The following ITGB3BP variants were observed in gnomAD, a reference collection of about 807,000 sequenced individuals.
ITGB3BP encodes the protein centromere protein R.
In ITGB3BP, 27 loss-of-function variants were observed where a neutral mutation model predicts 29.1. The ratio of observed to expected loss-of-function variants is 0.93; its 90% CI spans 0.68 to 1.28. The LOEUF (loss-of-function observed/expected upper bound fraction) is 1.28, where lower values mean the gene tolerates loss of function less well. ITGB3BP is among the 50% of genes most tolerant of loss of function. The pLI, the probability that ITGB3BP is intolerant of heterozygous loss-of-function variation, is 0.00. For synonymous variants in ITGB3BP, 61 were observed against 61.4 expected (o/e 0.99, Z 0.03); for missense variants, 192 against 200.2 (o/e 0.96, Z 0.25).
chr1:63,519,659 ATGTT>A, intron 1 of ITGB3BP, among the ~76,000 whole-genome samples: 2 of 152,256 alleles, frequency 1.3e-5, no homozygotes, highest in East Asian at 3.9e-4. Flanking sequence ...AATTCAAAGG[ATGTT>A]TATTTAATGG....
intron 2 of ITGB3BP, among the ~76,000 whole-genome samples, chr1:63,500,854 T>C (rs190854532): frequency 1.3e-5 from 2 of 152,318 alleles, no homozygotes; most frequent in African/African-American, 4.8e-5. Flanking sequence ...ACAACAAAGT[T>C]GAAGGACTCA....
rs1017081292 is a variant in ITGB3BP at position 63,456,283 on chromosome 1, A to G, written c.255-1315T>C. 5.3e-5 allele frequency among the ~76,000 whole-genome samples: 8 copies of G among 152,342 alleles called. No homozygotes were observed. In the South Asian group the frequency reaches 1.0e-3, roughly 20 times the overall value. Reference sequence around the variant, plus strand: ...GCGAACAAGAAACAAGAGACTTTTGATAGCATTATGAAAAAGCTAAAAATT... The same window carrying G: ...GCGAACAAGAAACAAGAGACTTTTGGTAGCATTATGAAAAAGCTAAAAATT... On this transcript the variant is annotated intron_variant, in intron 4 of 8. Transcript: ENST00000271002.
chr1:63,445,342 T>C (rs1570110337), intron 8 of ITGB3BP, among the ~76,000 whole-genome samples: 1 of 151,822 alleles, frequency 6.6e-6, no homozygotes, highest in East Asian at 1.9e-4. Context: ...TATTATAAGC[T>C]ATTACTCACT....
At chr1:63,455,549 A>T (rs1321356432) in intron 4 of ITGB3BP, among the ~76,000 whole-genome samples, 2 of 151,908 alleles carry the variant, frequency 1.3e-5, no homozygotes, top group African/African-American at 4.8e-5. Flanking sequence ...GGTTCAATCG[A>T]TCCTCTTACC....
In ITGB3BP at chr1:63,468,277, G is replaced by C. The variant is rs574863825; in HGVS notation, c.254+10487C>G. On this transcript the variant is annotated intron_variant, in intron 4 of 8. Transcript: ENST00000271002. ...CTGGACCAATCAACTGTCCAGGGTA[G>C]GGTCATGTAAGACTTTGGTAGTCTT... 7.9e-5 allele frequency among the ~76,000 whole-genome samples: 12 copies of C among 152,270 alleles called. No homozygotes were observed. The East Asian group carries it at 1.2e-3, about 15-fold the overall frequency.
intron 7 of ITGB3BP, 149 bp downstream of exon 7, chr1:63,453,769 G>C (rs916823272): frequency 5.2e-6 from 3 of 574,686 alleles, no homozygotes; most frequent in African/African-American, 1.9e-5. Context: ...TTTCAAATGA[G>C]ATTTGTGATC....
At chr1:63,446,699 A>ACT in intron 8 of ITGB3BP, 107 bp downstream of exon 8, 1 of 796,442 alleles carries the variant, frequency 1.3e-6, no homozygotes, top group African/African-American at 1.7e-5. Flanking sequence ...CTATTTTCTT[A>ACT]CAGGAAGACA....
chr1:63,518,875 G>T (rs1310658151), intron 1 of ITGB3BP, among the ~76,000 whole-genome samples: 1 of 152,020 alleles, frequency 6.6e-6, no homozygotes, highest in South Asian at 2.1e-4. Flanking sequence ...ATGCCTCTCT[G>T]CATTTTCAGA....
intron 1 of ITGB3BP, among the ~76,000 whole-genome samples, chr1:63,516,785 T>G (rs114102171): frequency 6.7e-6 from 1 of 149,616 alleles, no homozygotes; most frequent in African/African-American, 2.5e-5. Context: ...TAGTGGGAGC[T>G]AAACAATGGG....
At chr1:63,441,330 C>T (rs1644727787) in intron 8 of ITGB3BP, among the ~76,000 whole-genome samples, 1 of 152,070 alleles carries the variant, frequency 6.6e-6, no homozygotes, top group African/African-American at 2.4e-5. Flanking sequence ...CTCTGCCTCC[C>T]GTGTTCAAGT....
chr1:63,485,131 T>C (rs1645502701), intron 3 of ITGB3BP, among the ~76,000 whole-genome samples: 1 of 152,128 alleles, frequency 6.6e-6, no homozygotes, highest in Non-Finnish European at 1.5e-5. Flanking sequence ...TTAATAATGC[T>C]ATTAATGAAA....
chr1:63,469,285 C>T (rs1375635381), intron 4 of ITGB3BP, among the ~76,000 whole-genome samples: 1 of 151,860 alleles, frequency 6.6e-6, no homozygotes, highest in African/African-American at 2.4e-5. Flanking sequence ...ATGAAGATAT[C>T]TCCTTTACTT....
At chr1:63,479,263 A>T (rs903372046) in intron 3 of ITGB3BP, among the ~76,000 whole-genome samples, 1 of 152,184 alleles carries the variant, frequency 6.6e-6, no homozygotes, top group Non-Finnish European at 1.5e-5. Context: ...CTCAGAAAAT[A>T]GTTAAGTTCC....
At chr1:63,528,445 G>T (rs1018796472) in intron 2 of ITGB3BP, among the ~76,000 whole-genome samples, 1 of 152,004 alleles carries the variant, frequency 6.6e-6, no homozygotes, top group Admixed American at 6.6e-5. Flanking sequence ...GAAAGGTAGT[G>T]GGGGTAGGGG....
intron 2 of ITGB3BP, among the ~76,000 whole-genome samples, chr1:63,496,068 C>A (rs1645779784): frequency 6.6e-6 from 1 of 151,578 alleles, no homozygotes. Flanking sequence ...CCTAAGCTTA[C>A]TCCTACTTCA....
chr1:63,458,659 C>CT lies in ITGB3BP; in HGVS notation c.255-3692dup, dbSNP rs369701610. ...CCTGAAAAAATTTTTGATTTCCCTC[C>CT]TTTTTTGTAACTTCCAATTGTTTGA... On this transcript the variant is annotated intron_variant, in intron 4 of 8. Coordinates refer to ENST00000271002, the MANE Select transcript of ITGB3BP (RefSeq NM_014288.5). Among the ~76,000 whole-genome samples the CT allele has an allele frequency of 7.8e-3, 1,191 of 152,182 alleles. 13 individuals carry two copies. The highest frequency in any genetic ancestry group is 0.026 in the African/African-American group (1,077 of 41,530).
chr1:63,506,589 C>T (rs1033375473), intron 2 of ITGB3BP, among the ~76,000 whole-genome samples: 1 of 152,136 alleles, frequency 6.6e-6, no homozygotes, highest in Non-Finnish European at 1.5e-5. Context: ...GAGCCATAAG[C>T]AAATGGCATT....
intron 3 of ITGB3BP, among the ~76,000 whole-genome samples, chr1:63,482,091 C>T (rs1378484172): frequency 1.3e-5 from 2 of 151,544 alleles, no homozygotes; most frequent in Admixed American, 6.6e-5. Context: ...TGGTCAACAC[C>T]GTGAAACCCT....
At chr1:63,523,874 T>C (rs1252847819), upstream of ITGB3BP, among the ~76,000 whole-genome samples, 1 of 151,958 alleles carries the variant, frequency 6.6e-6, no homozygotes, top group Non-Finnish European at 1.5e-5. Context: ...GGCTTTCTGT[T>C]TTCACTTGGC....
Sources: allele counts gnomAD v4.1 joint callset (sites outside exome capture counted in the v4.1 genomes callset), GRCh38; gene constraint gnomAD v4.1.1; transcripts MANE v1.5; gene names NCBI Gene and HGNC (gene_info 2026-07-23, HGNC 2026-07-21).